The following MYO16 variants were observed in gnomAD, a reference collection of about 807,000 sequenced individuals.
The protein encoded by MYO16 is unconventional myosin-XVI.
Under a neutral mutation model 205.3 loss-of-function variants are expected in MYO16, and 94 were observed. The ratio of observed to expected loss-of-function variants is 0.46; its 90% CI spans 0.39 to 0.54. The LOEUF is 0.54. MYO16 is among the 20% of genes least tolerant of loss of function. The probability of loss-of-function intolerance (pLI) is 0.00; values close to 1 mark genes in which losing one functional copy is unlikely to be tolerated. For synonymous variants in MYO16, 988 were observed against 954.0 expected (o/e 1.04, Z -0.66); for missense variants, 2,315 against 2,387.5 (o/e 0.97, Z 0.63).
intron 7 of MYO16, among the ~76,000 whole-genome samples, chr13:108,809,172 C>T (rs1446563104): frequency 6.6e-6 from 1 of 152,146 alleles, no homozygotes; most frequent in East Asian, 1.9e-4. Flanking sequence ...ACTAGGTTTC[C>T]AACATTCATC....
chr13:108,545,963 G>A, the MYO16 span, among the ~76,000 whole-genome samples: 3 of 152,304 alleles, frequency 2.0e-5, no homozygotes, highest in East Asian at 3.9e-4. Flanking sequence ...CTGCCACATC[G>A]CAATCTCTCA....
Position 108,782,290 on chromosome 13 carries a change from G to A in MYO16, c.508-3345G>A, listed in dbSNP as rs140332029. The stretch of plus-strand genomic sequence containing the variant: ...CTGGAGTGAAGGTGACTCTTGTTAC[G>A]TTTTAGCAAAGAGACTGGTGGCATT... On this transcript the variant is annotated intron_variant, in intron 4 of 34. Transcript: ENST00000457511. 7.2e-4 allele frequency among the ~76,000 whole-genome samples: 109 copies of A among 152,306 alleles called. 1 individual carries two copies. In the South Asian group the frequency reaches 0.013, roughly 18 times the overall value.
At chr13:109,129,842 C>T (rs924705216) in intron 31 of MYO16, among the ~76,000 whole-genome samples, 3 of 151,986 alleles carry the variant, frequency 2.0e-5, no homozygotes, top group Non-Finnish European at 4.4e-5. Flanking sequence ...TACCTTGTAA[C>T]ATCTAGAAAA....
At chr13:108,545,950 G>A in the MYO16 span, among the ~76,000 whole-genome samples, 1 of 152,138 alleles carries the variant, frequency 6.6e-6, no homozygotes, top group African/African-American at 2.4e-5. Context: ...TTGTGGTTAG[G>A]GTCTGCCACA....
chr13:108,869,613 C>A (rs1437389706), intron 12 of MYO16, among the ~76,000 whole-genome samples: 4 of 150,048 alleles, frequency 2.7e-5, no homozygotes, highest in Admixed American at 6.6e-5. Context: ...CGTCTGTAGT[C>A]CCAGCTACTC....
At chr13:108,533,299 A>G in the MYO16 span, among the ~76,000 whole-genome samples, 1 of 152,288 alleles carries the variant, frequency 6.6e-6, no homozygotes, top group African/African-American at 2.4e-5. Flanking sequence ...TTTGTTGTGC[A>G]TGGTATGCCT....
At chr13:109,045,471 T>C (rs988939296) in intron 23 of MYO16, among the ~76,000 whole-genome samples, 48 of 152,226 alleles carry the variant, frequency 3.2e-4, no homozygotes, top group African/African-American at 1.1e-3. Flanking sequence ...AGCCATGTGG[T>C]GGCACAAGTG....
At chr13:109,012,700 G>A (rs1483691710) in intron 22 of MYO16, among the ~76,000 whole-genome samples, 1 of 151,870 alleles carries the variant, frequency 6.6e-6, no homozygotes, top group South Asian at 2.1e-4. Flanking sequence ...GGGGATGGAA[G>A]ATTAGAGGTT....
chr13:108,540,358 T>C, the MYO16 span, among the ~76,000 whole-genome samples: 2,584 of 152,234 alleles, frequency 0.017, 83 homozygotes, highest in African/African-American at 0.059. Flanking sequence ...GAACAGTGGC[T>C]CTTGTGTCAA....
chr13:109,117,852 A>T (rs1594100700), intron 28 of MYO16, among the ~76,000 whole-genome samples: 1 of 151,974 alleles, frequency 6.6e-6, no homozygotes, highest in African/African-American at 2.4e-5. Context: ...TTCAAGAAAT[A>T]TTTTTTTTAA....
intron 1 of MYO16, among the ~76,000 whole-genome samples, chr13:108,661,824 T>A (rs1307548362): frequency 6.6e-6 from 1 of 152,198 alleles, no homozygotes; most frequent in African/African-American, 2.4e-5. Context: ...CCATTGCTGA[T>A]GAACTAACGT....
chr13:108,620,174 T>C (rs1594148800), intron 1 of MYO16, among the ~76,000 whole-genome samples: 3 of 152,180 alleles, frequency 2.0e-5, no homozygotes, highest in African/African-American at 7.2e-5. Flanking sequence ...AGAATAATGC[T>C]TACCACATAA....
the MYO16 span, among the ~76,000 whole-genome samples, chr13:108,538,215 T>C: frequency 5.9e-5 from 9 of 152,084 alleles, no homozygotes; most frequent in Non-Finnish European, 4.4e-5. Context: ...ATAAAGAGAA[T>C]GTCACAGAAA....
At chr13:109,200,108 ATCT>A (rs1291586375) in intron 34 of MYO16, among the ~76,000 whole-genome samples, 1 of 152,184 alleles carries the variant, frequency 6.6e-6, no homozygotes, top group African/African-American at 2.4e-5. Flanking sequence ...TCCTCTTCTG[ATCT>A]TCTATTTCTT....
intron 33 of MYO16, among the ~76,000 whole-genome samples, chr13:109,171,115 C>A (rs1878906076): frequency 6.6e-6 from 1 of 152,202 alleles, no homozygotes; most frequent in Non-Finnish European, 1.5e-5. Flanking sequence ...CAGCACAATA[C>A]CCTTTATACT....
the MYO16 span, among the ~76,000 whole-genome samples, chr13:108,533,589 G>T: frequency 1.8e-4 from 28 of 152,278 alleles, no homozygotes; most frequent in Admixed American, 1.1e-3. Flanking sequence ...ATTGATGCTG[G>T]GAGTGCAGTG....
intron 1 of MYO16, among the ~76,000 whole-genome samples, chr13:108,614,188 A>G (rs897399190): frequency 1.3e-5 from 2 of 152,116 alleles, no homozygotes; most frequent in African/African-American, 4.8e-5. Flanking sequence ...AGCAATGAAC[A>G]ACTTAAAAAT....
the MYO16 span, among the ~76,000 whole-genome samples, chr13:108,583,423 A>T: frequency 6.6e-6 from 1 of 152,170 alleles, no homozygotes; most frequent in Non-Finnish European, 1.5e-5. Context: ...CTTCCCTCAT[A>T]CGTGATTCTA....
intron 9 of MYO16, among the ~76,000 whole-genome samples, chr13:108,838,394 C>T (rs556477178): frequency 5.3e-5 from 8 of 151,994 alleles, no homozygotes; most frequent in African/African-American, 1.7e-4. Context: ...GTGGCTTACG[C>T]CTGTAATCCC....
Sources: allele counts gnomAD v4.1 joint callset (sites outside exome capture counted in the v4.1 genomes callset), GRCh38; gene constraint gnomAD v4.1.1; transcripts MANE v1.5; gene names NCBI Gene and HGNC (gene_info 2026-07-23, HGNC 2026-07-21).